Variants in USF2 observed in about 807,000 individuals in gnomAD.
USF2 encodes the protein upstream stimulatory factor 2.
A neutral mutation model predicts 46.9 loss-of-function variants in USF2; 16 were observed. The observed-to-expected ratio is 0.34, with a 90% CI of 0.23 to 0.52. The LOEUF (loss-of-function observed/expected upper bound fraction) is 0.52. Among genes scored for constraint, USF2 ranks in the 20% least tolerant of loss-of-function variants. The pLI is 0.96. For missense variants in USF2, 411 were observed against 474.0 expected (o/e 0.87, Z 1.23); for synonymous variants, 239 against 194.1 (o/e 1.23, Z -1.92).
At chr19:35,273,013 C>T (rs2066179654) in intron 7 of USF2, among the ~76,000 whole-genome samples, 1 of 151,984 alleles carries the variant, frequency 6.6e-6, no homozygotes, top group Non-Finnish European at 1.5e-5. Flanking sequence ...GTCTTGGTGG[C>T]CACACAGTAA....
intron 1 of USF2, 66 bp from the exon 2 acceptor site, chr19:35,269,380 T>TGGGCGCGGGGGCGGGGGCGC (rs1356275150): frequency 2.3e-6 from 3 of 1,279,562 alleles, no homozygotes; most frequent in Non-Finnish European, 2.0e-6. Flanking sequence ...GCCCTGCAGC[T>TGGGCGCGGGGGCGGGGGCGC]GGGCGCGGGG....
intron 1 of USF2, 46 bp from the exon 2 acceptor site, chr19:35,269,394 GGGGCGC>G (rs1283511918): frequency 1.7e-5 from 23 of 1,325,210 alleles, no homozygotes; most frequent in South Asian, 9.4e-5. Context: ...CGCGGGGGCG[GGGGCGC>G]GGGCGCGGGC....
At chr19:35,270,195 C>A (rs753172133) in intron 4 of USF2, 192 bp downstream of exon 4, 183 of 892,158 alleles carry the variant, frequency 2.1e-4, no homozygotes, top group Non-Finnish European at 2.8e-4. Context: ...ATTTTTTTTT[C>A]CCGCAAAATG....
chr19:35,275,804 T>A (rs1200884064), intron 7 of USF2: 1 of 152,214 alleles, frequency 6.6e-6, no homozygotes, highest in Non-Finnish European at 1.5e-5. Context: ...TCGATGAGAC[T>A]TACCCGACGG....
At position 35,270,664 on chromosome 19, in the gene USF2, C is replaced by G; in HGVS notation, c.581-54C>G. Reference sequence around the variant, plus strand: ...GGCCCAGCAGGGAGGGAAGCCCCCCCAGCCAGTTCTGACTTCACCCTGCCT... The same window carrying G: ...GGCCCAGCAGGGAGGGAAGCCCCCCGAGCCAGTTCTGACTTCACCCTGCCT... On this transcript the variant is annotated intron_variant, in intron 5 of 9. Transcript: ENST00000222305. 4 of 1,612,218 alleles carry G rather than the reference C, an allele frequency of 2.5e-6. No homozygotes were observed. In the South Asian group the frequency reaches 4.4e-5, roughly 18 times the overall value.
chr19:35,277,680 C>T (rs1424847300), intron 7 of USF2: 2 of 152,326 alleles, frequency 1.3e-5, no homozygotes, highest in South Asian at 2.1e-4. Flanking sequence ...TTCCCCTCCA[C>T]AAATGGTGCA....
rs1379260920 is a variant in USF2, at chr19:35,269,124, T to A, written c.23T>A (p.Leu8Gln). Residue 8 changes from leucine (L) to glutamine (Q), a missense_variant, in exon 1 of 10, where the codon CTG becomes CAG. By Grantham distance (113) the Leu-to-Gln change is moderately radical. Around this residue, in one of 2 missense-constraint regions of USF2, gnomAD observed 318 missense variants for 322.4 expected, o/e 0.99. Coordinates refer to ENST00000222305, the MANE Select transcript of USF2 (RefSeq NM_003367.4). The stretch of plus-strand genomic sequence containing the variant: ...CCCATGGACATGCTGGACCCGGGTC[T>A]GGATCCCGCTGCCTCGGCCACCGCT... Reference protein sequence around the residue: MDMLDPGLDPAASATAAA... With the variant: MDMLDPGQDPAASATAAA... The A allele has an allele frequency of 1.5e-6, 1 of 645,904 alleles. No individual in the cohort carries two copies. Among genetic ancestry groups the A allele is most frequent in the Non-Finnish European group, 1.9e-6 (1 of 523,632 alleles). The allele number at this position is 645,904 out of a possible 1,614,324, so 40.0% of individuals were successfully genotyped here. A position where few individuals can be genotyped will look rare whatever the true frequency, so the allele number is the denominator to read the frequency against.
chr19:35,272,169 C>A (rs2066166584), intron 7 of USF2, among the ~76,000 whole-genome samples: 1 of 152,252 alleles, frequency 6.6e-6, no homozygotes, highest in Admixed American at 6.5e-5. Flanking sequence ...CGACCAGCCC[C>A]CCTTTTGCGT....
At chr19:35,277,143 G>T (rs1487329187) in intron 7 of USF2, 3 of 152,414 alleles carry the variant, frequency 2.0e-5, no homozygotes, top group African/African-American at 7.2e-5. Context: ...TGCTGCTTTT[G>T]GCCAGAGTTC....
chr19:35,271,111 G>A lies in USF2; in HGVS notation c.697G>A (p.Asp233Asn). 1 of 1,613,964 alleles carries A rather than the reference G, an allele frequency of 6.2e-7. No individual in the cohort carries two copies. The highest frequency in any genetic ancestry group is 8.5e-7 in the Non-Finnish European group (1 of 1,179,986). ...PKIDGTRTPR[D>N]ERRRAQHNEV... ...AATTGATGGAACCAGAACACCCCGAGATGAGAGGAGAAGAGCCCAGCACAA... is the reference window on the plus strand; with the variant it reads ...AATTGATGGAACCAGAACACCCCGAAATGAGAGGAGAAGAGCCCAGCACAA... Residue 233 changes from aspartate (D) to asparagine (N), a missense_variant, in exon 7 of 10, where the codon GAT (aspartate) becomes AAT (asparagine). Asp to Asn is a conservative substitution (Grantham distance 23). Around this residue, in one of 2 missense-constraint regions of USF2, gnomAD observed 318 missense variants for 322.4 expected, o/e 0.99. Coordinates refer to ENST00000222305, the MANE Select transcript of USF2 (RefSeq NM_003367.4).
intron 6 of USF2, 32 bp from the exon 7 acceptor site, chr19:35,271,051 A>C: frequency 6.2e-7 from 1 of 1,613,028 alleles, no homozygotes; most frequent in Non-Finnish European, 8.5e-7. Context: ...CTGCGATAAT[A>C]CATGCCCCCT....
At chr19:35,270,303 A>T in intron 4 of USF2, 144 bp from the exon 5 acceptor site, 1 of 1,274,664 alleles carries the variant, frequency 7.8e-7, no homozygotes, top group Non-Finnish European at 1.1e-6. Context: ...GGCTGTTTGA[A>T]ACACAGGACA....
At chr19:35,276,069 CT>C (rs752967792) in intron 7 of USF2, among the ~76,000 whole-genome samples, 2,721 of 111,924 alleles carry the variant, frequency 0.024, 53 homozygotes, top group African/African-American at 0.086. Flanking sequence ...TGAATTTTCT[CT>C]TTTTTTTTTT....
chr19:35,269,393 G>C (rs957797138), intron 1 of USF2, 53 bp from the exon 2 acceptor site: 6 of 1,323,578 alleles, frequency 4.5e-6, no homozygotes, highest in South Asian at 1.9e-5. Context: ...GCGCGGGGGC[G>C]GGGGCGCGGG....
chr19:35,270,482 T>C lies in USF2; in HGVS notation c.465T>C (p.Ser155=). 3 of 1,613,966 alleles carry C rather than the reference T, an allele frequency of 1.9e-6. No individual in the cohort carries two copies. The South Asian group carries it at 3.3e-5, about 18-fold the overall frequency. The change falls in exon 5 of 10, where the codon AGT becomes AGC. Residue 155 remains serine (S), a synonymous_variant. Transcript: ENST00000222305. Reference sequence around the variant, plus strand: ...AAAATCCCTTCAGCAATGGTGGCAGTCCGGCGGCCGAGGCTGTCAGCGGGG... The same window carrying C: ...AAAATCCCTTCAGCAATGGTGGCAGCCCGGCGGCCGAGGCTGTCAGCGGGG... ...VIQNPFSNGG[S]PAAEAVSGEA... is the part of the protein sequence containing the mutation.
At position 35,270,533 on chromosome 19, in the gene USF2, G is replaced by A. The variant is rs2145569845; in HGVS notation, c.516G>A (p.Ala172=). Reference sequence around the variant, plus strand: ...AGGCACGATTTGCCTATTTCCCAGCGTCCAGTGTGGGAGATACTACGGCTG... The same window carrying A: ...AGGCACGATTTGCCTATTTCCCAGCATCCAGTGTGGGAGATACTACGGCTG... ...SGEARFAYFP[A]SSVGDTTAVS... is the part of the protein sequence containing the mutation. Residue 172 remains alanine (A), a synonymous_variant, in exon 5 of 10, where the codon GCG becomes GCA. Transcript: ENST00000222305. 1 of 1,614,168 alleles carries A rather than the reference G, an allele frequency of 6.2e-7. No individual in the cohort carries two copies. Among genetic ancestry groups the A allele is most frequent in the South Asian group, 1.1e-5 (1 of 91,080 alleles).
Position 35,269,295 on chromosome 19 carries a change from G to A in USF2, c.62+132G>A, listed in dbSNP as rs918663355. 7 of 874,830 alleles carry A rather than the reference G, an allele frequency of 8.0e-6. No homozygotes were observed. The South Asian group carries it at 2.5e-4, about 32-fold the overall frequency. 54.2% of individuals were successfully genotyped at this position (874,830 alleles called of 1,614,324 possible). A position where few individuals can be genotyped will look rare whatever the true frequency, so the allele number is the denominator to read the frequency against. On this transcript the variant is annotated intron_variant, in intron 1 of 9. Coordinates refer to ENST00000222305, the MANE Select transcript of USF2 (RefSeq NM_003367.4). ...AAATGGAGGCCGCCGGCGCGGGGGG[G>A]ACCTGGCGCCTCCCGCCCCCGGCCC...
rs1273148049 is a variant in USF2 at position 35,269,898 on chromosome 19, G to C, written c.324G>C (p.Ala108=). The C allele has an allele frequency of 9.3e-6, 13 of 1,397,952 alleles. No homozygotes were observed. Among genetic ancestry groups the C allele is most frequent in the Non-Finnish European group, 1.2e-5 (13 of 1,085,072 alleles). 86.6% of individuals were successfully genotyped at this position (1,397,952 alleles called of 1,614,324 possible). A position where few individuals can be genotyped will look rare whatever the true frequency, so the allele number is the denominator to read the frequency against. ...GCGTCGTGTCCACCGCTGCCTTCGC[G>C]GGGGGGCAGCAGGCTGTGACCCAGG... ...AVSVVSTAAF[A]GGQQAVTQVG... Residue 108 remains alanine, a synonymous_variant, in exon 4 of 10, where the codon GCG becomes GCC. Transcript: ENST00000222305.
chr19:35,271,004 C>A (rs1172999843), intron 6 of USF2, 79 bp from the exon 7 acceptor site: 2 of 1,569,292 alleles, frequency 1.3e-6, no homozygotes, highest in Admixed American at 3.5e-5. Context: ...AGATAATTTT[C>A]AAATCTAATA....
Sources: allele counts gnomAD v4.1 joint callset (sites outside exome capture counted in the v4.1 genomes callset), GRCh38; gene constraint gnomAD v4.1.1; regional missense constraint gnomAD v4.1.1; transcripts MANE v1.5; gene names NCBI Gene and HGNC (gene_info 2026-07-23, HGNC 2026-07-21).